PNPLA3: variants seen among roughly 807,000 people sequenced by gnomAD.
PNPLA3 encodes patatin like domain 3, 1-acylglycerol-3-phosphate O-acyltransferase, also known as 1-acylglycerol-3-phosphate O-acyltransferase PNPLA3.
A neutral mutation model predicts 43.1 loss-of-function variants in PNPLA3; 42 were observed. The ratio of observed to expected loss-of-function variants is 0.97; its 90% CI spans 0.76 to 1.26. PNPLA3 has a LOEUF of 1.26. PNPLA3 is among the 50% of genes most tolerant of loss of function. The pLI, the probability that PNPLA3 is intolerant of heterozygous loss-of-function variation, is 0.00. For synonymous variants in PNPLA3, 272 were observed against 253.6 expected (o/e 1.07, Z -0.69); for missense variants, 647 against 621.4 (o/e 1.04, Z -0.44).
At chr22:43,924,975 C>A (rs1169740354) in intron 1 of PNPLA3, among the ~76,000 whole-genome samples, 1 of 152,094 alleles carries the variant, frequency 6.6e-6, no homozygotes, top group Non-Finnish European at 1.5e-5. Context: ...CGCAGCCCAG[C>A]CTTCTGGGGG....
chr22:43,929,007 C>G, intron 3 of PNPLA3, 118 bp downstream of exon 3: 1 of 1,036,652 alleles, frequency 9.6e-7, no homozygotes, highest in South Asian at 1.3e-5. Context: ...TGGTGGAGCC[C>G]CATGCCTCAC....
chr22:43,933,985 T>C (rs906887371), intron 4 of PNPLA3, among the ~76,000 whole-genome samples: 2 of 152,070 alleles, frequency 1.3e-5, no homozygotes, highest in African/African-American at 4.8e-5. Flanking sequence ...CAAAGTTTGT[T>C]AGGGTGGAGG....
chr22:43,924,218 C>G (rs374077924), intron 1 of PNPLA3, 120 bp downstream of exon 1: 1 of 1,168,612 alleles, frequency 8.6e-7, no homozygotes, highest in African/African-American at 1.6e-5. Context: ...GCGGACACGG[C>G]GGGGTGCATC....
In PNPLA3 at chr22:43,946,398, G is replaced by A. The variant is rs753209557; in HGVS notation, c.*16G>A. ...GAGTCTGTGAGTCACTTGAGGAGGCGAGTCTAGCAGATTCTTTCAGAGGTG... is the reference window on the plus strand; with the variant it reads ...GAGTCTGTGAGTCACTTGAGGAGGCAAGTCTAGCAGATTCTTTCAGAGGTG... On this transcript the variant is annotated 3_prime_UTR_variant, in exon 9 of 9. Transcript: ENST00000216180. 5.2e-5 allele frequency: 83 copies of A among 1,607,330 alleles called. No individual in the cohort carries two copies. In the Admixed American group the frequency reaches 1.1e-3, roughly 22 times the overall value.
At chr22:43,936,206 T>C (rs1295632749) in intron 5 of PNPLA3, among the ~76,000 whole-genome samples, 3 of 151,794 alleles carry the variant, frequency 2.0e-5, no homozygotes, top group Non-Finnish European at 2.9e-5. Context: ...TGAGAACAGA[T>C]ACCTGGCAAT....
intron 6 of PNPLA3, among the ~76,000 whole-genome samples, chr22:43,938,369 TGA>T (rs2050009771): frequency 6.6e-6 from 1 of 152,202 alleles, no homozygotes; most frequent in Non-Finnish European, 1.5e-5. Context: ...AAGAAATACC[TGA>T]GACTGGGTAA....
chr22:43,944,272 G>T (rs2050049262), intron 7 of PNPLA3, among the ~76,000 whole-genome samples: 1 of 152,134 alleles, frequency 6.6e-6, no homozygotes, highest in Admixed American at 6.5e-5. Context: ...TGTGTCTGGG[G>T]GATGGAGAGT....
Position 43,927,119 on chromosome 22 carries a change from G to T in PNPLA3, c.372G>T (p.Gly124=). Residue 124 remains glycine, a synonymous_variant, in exon 2 of 9, where the codon GGG becomes GGT. Coordinates refer to ENST00000216180, the MANE Select transcript of PNPLA3 (RefSeq NM_025225.3). ...IGISLTRVSD[G]ENVLVSDFRS... ...TCTCTCTTACCAGAGTGTCTGATGGGGAAAACGTTCTGGTGTCTGACTTTC... is the reference window on the plus strand; with the variant it reads ...TCTCTCTTACCAGAGTGTCTGATGGTGAAAACGTTCTGGTGTCTGACTTTC... The T allele has an allele frequency of 6.2e-7, 1 of 1,614,218 alleles. No individual in the cohort carries two copies. Among genetic ancestry groups the T allele is most frequent in the Non-Finnish European group, 8.5e-7 (1 of 1,180,034 alleles).
At chr22:43,928,110 C>A (rs2049937118) in intron 2 of PNPLA3, among the ~76,000 whole-genome samples, 1 of 152,250 alleles carries the variant, frequency 6.6e-6, no homozygotes, top group Non-Finnish European at 1.5e-5. Context: ...TCAGCTGATG[C>A]TTTCATAAGC....
chr22:43,940,401 G>A (rs2050023728), intron 7 of PNPLA3, among the ~76,000 whole-genome samples: 1 of 152,218 alleles, frequency 6.6e-6, no homozygotes, highest in Non-Finnish European at 1.5e-5. Context: ...GATTGCCCAA[G>A]GAAACTGAGG....
chr22:43,931,515 G>A (rs925103957), intron 3 of PNPLA3, among the ~76,000 whole-genome samples: 1 of 152,038 alleles, frequency 6.6e-6, no homozygotes, highest in Admixed American at 6.6e-5. Flanking sequence ...TATGCAGTGA[G>A]GTTTTTGTTT....
Position 43,923,950 on chromosome 22 carries a change from G to A in PNPLA3, c.39G>A (p.Ala13=). The A allele has an allele frequency of 6.3e-7, 1 of 1,581,332 alleles. No homozygotes were observed. The highest frequency in any genetic ancestry group is 8.5e-7 in the Non-Finnish European group (1 of 1,172,206). ...AGCGCGGCTGGAGCTTGTCCTTCGC[G>A]GGCTGCGGCTTCCTGGGCTTCTACC... The part of the protein sequence containing the change: ...DAERGWSLSF[A]GCGFLGFYHV... The change falls in exon 1 of 9, where the codon GCG becomes GCA. Residue 13 remains alanine, a synonymous_variant. Transcript: ENST00000216180.
intron 3 of PNPLA3, among the ~76,000 whole-genome samples, chr22:43,930,462 A>G (rs143634607): frequency 6.6e-6 from 1 of 152,266 alleles, no homozygotes; most frequent in Non-Finnish European, 1.5e-5. Flanking sequence ...GCAGGACCCC[A>G]ACCCCTTGTT....
Position 43,934,043 on chromosome 22 carries a change from G to A in PNPLA3, c.697-563G>A, listed in dbSNP as rs536624098. Among the ~76,000 whole-genome samples the A allele has an allele frequency of 4.6e-5, 7 of 152,240 alleles. No individual in the cohort carries two copies. In the South Asian group the frequency reaches 8.3e-4, roughly 18 times the overall value. ...CCAAAGAAACAAGCTCCTGCCAGGC[G>A]CGGTGGCTCACGCCTGTAATCCCAG... On this transcript the variant is annotated intron_variant, in intron 4 of 8. Coordinates refer to ENST00000216180, the MANE Select transcript of PNPLA3 (RefSeq NM_025225.3).
chr22:43,941,450 T>A (rs2050030761), intron 7 of PNPLA3, among the ~76,000 whole-genome samples: 1 of 152,168 alleles, frequency 6.6e-6, no homozygotes, highest in Non-Finnish European at 1.5e-5. Context: ...TCCAGATGAC[T>A]GAATCCACCT....
In PNPLA3 at chr22:43,933,183, C is replaced by T. The variant is rs991204707; in HGVS notation, c.696+96C>T. ...ACCAGTTACTGTCTGCACAATCAAA[C>T]AGAAATAGACCTGTCCTTGATGGTT... On this transcript the variant is annotated intron_variant, in intron 4 of 8. Transcript: ENST00000216180. 7 of 1,176,908 alleles carry T rather than the reference C, an allele frequency of 5.9e-6. No individual in the cohort carries two copies. In the African/African-American group the frequency reaches 1.1e-4, roughly 18 times the overall value. The allele number at this position is 1,176,908 out of a possible 1,614,324, so 72.9% of individuals were successfully genotyped here.
At position 43,937,779 on chromosome 22, in the gene PNPLA3, C is replaced by T. The variant is rs2050005429; in HGVS notation, c.979+507C>T. On this transcript the variant is annotated intron_variant, in intron 6 of 8. Transcript: ENST00000216180. ...CTCCTAATTTCTCCCTTCCCCTAAA[C>T]CCACAATTTTGAACCTCCATCGAAT... is the stretch of plus-strand genomic sequence containing the variant. 5.3e-5 allele frequency among the ~76,000 whole-genome samples: 8 copies of T among 152,218 alleles called. No homozygotes were observed. The South Asian group carries it at 1.7e-3, about 32-fold the overall frequency.
chr22:43,939,668 T>G (rs1187851805), intron 6 of PNPLA3, among the ~76,000 whole-genome samples: 2 of 152,102 alleles, frequency 1.3e-5, no homozygotes, highest in African/African-American at 4.8e-5. Flanking sequence ...TACAAAAAAT[T>G]AGCTGGGCAT....
At chr22:43,936,926 C>G (rs1272701336) in intron 5 of PNPLA3, 125 bp from the exon 6 acceptor site, 1 of 730,588 alleles carries the variant, frequency 1.4e-6, no homozygotes, top group East Asian at 2.7e-5. Context: ...TTCCCTTCCC[C>G]TCTTCCCCTT....
Sources: gnomAD v4.1 joint callset for allele counts (sites outside exome capture counted in the v4.1 genomes callset) on GRCh38, gnomAD v4.1.1 for gene constraint, MANE v1.5 for transcripts, NCBI Gene and HGNC (gene_info 2026-07-23, HGNC 2026-07-21) for gene names.